The following INTS8 variants were observed in gnomAD, a reference collection of about 807,000 sequenced individuals.
INTS8 encodes integrator complex subunit 8.
A neutral mutation model predicts 138.9 loss-of-function variants in INTS8; 47 were observed. The ratio of observed to expected loss-of-function variants is 0.34; its 90% CI spans 0.27 to 0.43. INTS8 has a LOEUF of 0.43. INTS8 is among the 20% of genes least tolerant of loss of function. The pLI is 1.00. For synonymous variants in INTS8, 392 were observed against 400.9 expected (o/e 0.98, Z 0.27); for missense variants, 996 against 1,173.0 (o/e 0.85, Z 2.20).
Position 94,833,032 on chromosome 8 carries a change from C to CT in INTS8, c.753+868dup, listed in dbSNP as rs945608953. On this transcript the variant is annotated intron_variant, in intron 6 of 26. Transcript: ENST00000523731. The stretch of plus-strand genomic sequence containing the variant: ...AACTCTTTGACATCTCTCTCTCTCT[C>CT]TTTTTTTTTTAATATGTTCTGCGTC... Among the ~76,000 whole-genome samples the CT allele has an allele frequency of 2.9e-3, 431 of 149,022 alleles. 4 individuals are homozygous for CT. The highest frequency in any genetic ancestry group is 9.6e-3 in the African/African-American group (389 of 40,656).
intron 5 of INTS8, among the ~76,000 whole-genome samples, chr8:94,829,842 CTA>C (rs1316537588): frequency 2.0e-5 from 3 of 152,072 alleles, no homozygotes; most frequent in African/African-American, 4.8e-5. Context: ...TCTAAAAACT[CTA>C]TGACAAACAT....
chr8:94,859,416 T>C, intron 15 of INTS8, 95 bp from the exon 16 acceptor site: 3 of 1,290,070 alleles, frequency 2.3e-6, no homozygotes, highest in Non-Finnish European at 3.3e-6. Flanking sequence ...ACCCGTCCTG[T>C]TTTTTTATTC....
chr8:94,881,722 G>A lies in INTS8; in HGVS notation c.*1488G>A, dbSNP rs758907019. 6.2e-6 allele frequency: 10 copies of A among 1,613,470 alleles called. No homozygotes were observed. Among genetic ancestry groups the A allele is most frequent in the East Asian group, 2.2e-5 (1 of 44,850 alleles). ...GTGACAACTGTCCCCCTTTTCTGAA[G>A]GTGTTTATGTAATTTACTTCCTCCT... On this transcript the variant is annotated 3_prime_UTR_variant, in exon 27 of 27. Transcript: ENST00000523731.
At chr8:94,829,741 T>C (rs776014263) in intron 5 of INTS8, among the ~76,000 whole-genome samples, 4 of 152,214 alleles carry the variant, frequency 2.6e-5, no homozygotes, top group Non-Finnish European at 4.4e-5. Flanking sequence ...TCAGTTTTAA[T>C]AGTAGAGTAC....
chr8:94,881,526 T>A lies in INTS8; in HGVS notation c.*1292T>A. On this transcript the variant is annotated 3_prime_UTR_variant, in exon 27 of 27. Coordinates refer to ENST00000523731, the MANE Select transcript of INTS8 (RefSeq NM_017864.4). ...ATGGCAGTGTAACTTGTGAATTGGC[T>A]AGGGCAATCAATCACAGCACTACTT... 2.7e-6 allele frequency: 3 copies of A among 1,114,518 alleles called. No homozygotes were observed. In the South Asian group the frequency reaches 4.7e-5, roughly 17 times the overall value. 69.0% of individuals were successfully genotyped at this position (1,114,518 alleles called of 1,614,324 possible).
At chr8:94,870,672 A>G (rs1388293761) in intron 20 of INTS8, among the ~76,000 whole-genome samples, 2 of 152,232 alleles carry the variant, frequency 1.3e-5, no homozygotes, top group East Asian at 3.8e-4. Context: ...TAAATAAATA[A>G]TGGACTATTT....
chr8:94,881,562 T>G lies in INTS8; in HGVS notation c.*1328T>G, dbSNP rs1816813314. 2 of 1,501,146 alleles carry G rather than the reference T, an allele frequency of 1.3e-6. No individual in the cohort carries two copies. Among genetic ancestry groups the G allele is most frequent in the East Asian group, 2.3e-5 (1 of 43,912 alleles). 93.0% of individuals were successfully genotyped at this position (1,501,146 alleles called of 1,614,324 possible). A position where few individuals can be genotyped will look rare whatever the true frequency, so the allele number is the denominator to read the frequency against. ...ATCACAGCACTACTTTCTGTAAAAC[T>G]TTAGTAGTTCAGTGATACCAGTTCT... On this transcript the variant is annotated 3_prime_UTR_variant, in exon 27 of 27. Coordinates refer to ENST00000523731, the MANE Select transcript of INTS8 (RefSeq NM_017864.4).
At chr8:94,848,602 G>T (rs1554609625) in intron 10 of INTS8, among the ~76,000 whole-genome samples, 2 of 151,916 alleles carry the variant, frequency 1.3e-5, no homozygotes, top group Non-Finnish European at 2.9e-5. Context: ...TTTGTAACTG[G>T]CTTCTTAGCA....
chr8:94,879,024 G>C (rs758019272), intron 26 of INTS8, among the ~76,000 whole-genome samples: 2 of 152,120 alleles, frequency 1.3e-5, no homozygotes, highest in Non-Finnish European at 2.9e-5. Context: ...TCTCGGTTTT[G>C]ATTACTGTCC....
intron 16 of INTS8, among the ~76,000 whole-genome samples, chr8:94,865,063 GGAGA>G (rs577192929): frequency 3.4e-4 from 52 of 151,784 alleles, no homozygotes; most frequent in African/African-American, 9.4e-4. Context: ...TTTGCACGTG[GGAGA>G]GAGAGAGATC....
chr8:94,853,612 T>G (rs905508712), intron 13 of INTS8, among the ~76,000 whole-genome samples, 193 bp from the exon 14 acceptor site: 8 of 152,200 alleles, frequency 5.3e-5, no homozygotes, highest in Non-Finnish European at 1.2e-4. Flanking sequence ...AGTCCATTAT[T>G]TATTACTTGT....
At chr8:94,859,680 T>G in intron 16 of INTS8, 48 bp downstream of exon 16, 1 of 1,476,124 alleles carries the variant, frequency 6.8e-7, no homozygotes. Context: ...ATTATTATAC[T>G]TGTTTCTTTA....
intron 13 of INTS8, among the ~76,000 whole-genome samples, chr8:94,853,009 G>T (rs1355909134): frequency 6.6e-6 from 1 of 152,010 alleles, no homozygotes; most frequent in Non-Finnish European, 1.5e-5. Flanking sequence ...CTATTTATTA[G>T]TGTGAATTTT....
rs141741750 is a variant in INTS8, at chr8:94,842,399, C to T, written c.1171C>T (p.Arg391Cys). The change falls in exon 10 of 27, where the codon CGT becomes TGT. Residue 391 changes from arginine (R) to cysteine (C), a missense_variant. Arg to Cys is a radical substitution (Grantham distance 180). Coordinates refer to ENST00000523731, the MANE Select transcript of INTS8 (RefSeq NM_017864.4). ...TAAAGTTTGTGCCTGTAATACAGTC[C>T]GTGATATACTGGAAGGCAGAACAAT... ...CFKVCACNTV[R>C]DILEGRTISV... 10 of 1,602,450 alleles carry T rather than the reference C, an allele frequency of 6.2e-6. No homozygotes were observed. The highest frequency in any genetic ancestry group is 2.2e-5 in the East Asian group (1 of 44,730).
intron 1 of INTS8, among the ~76,000 whole-genome samples, chr8:94,823,909 A>G (rs973685305): frequency 1.3e-5 from 2 of 152,148 alleles, no homozygotes; most frequent in Admixed American, 1.3e-4. Flanking sequence ...GCCTCCTTCA[A>G]CCCCAAGCTG....
chr8:94,826,092 A>G (rs2130989349), intron 2 of INTS8, among the ~76,000 whole-genome samples: 1 of 152,320 alleles, frequency 6.6e-6, no homozygotes, highest in South Asian at 2.1e-4. Flanking sequence ...CCATAAAATA[A>G]GTTTATCTGT....
At position 94,866,475 on chromosome 8, in the gene INTS8, A is replaced by C. The variant is rs78935789; in HGVS notation, c.2295+284A>C. On this transcript the variant is annotated intron_variant, in intron 18 of 26. Transcript: ENST00000523731. ...GCCCAGCTAATTTTTTGTAGAGATG[A>C]GGTCTCCCCTTGTTGCCCAGGCTAG... is the stretch of plus-strand genomic sequence containing the variant. The C allele has an allele frequency of 3.7e-3, 1,254 of 336,912 alleles. 8 individuals are homozygous for C. The highest frequency in any genetic ancestry group is 0.026 in the African/African-American group (1,178 of 45,934). The allele number at this position is 336,912 out of a possible 1,614,324, so 20.9% of individuals were successfully genotyped here. A position where few individuals can be genotyped will look rare whatever the true frequency, so the allele number is the denominator to read the frequency against.
In INTS8 at chr8:94,880,885, C is replaced by A; in HGVS notation, c.*651C>A. ...GATATACAAAAAGGTTATTACCAAG[C>A]AACCTACATGTCAAGAAAGCCCCAG... On this transcript the variant is annotated 3_prime_UTR_variant, in exon 27 of 27. Coordinates refer to ENST00000523731, the MANE Select transcript of INTS8 (RefSeq NM_017864.4). The A allele has an allele frequency of 2.5e-6, 1 of 398,726 alleles. No individual in the cohort carries two copies. Among genetic ancestry groups the A allele is most frequent in the East Asian group, 3.6e-5 (1 of 28,000 alleles). 24.7% of individuals were successfully genotyped at this position (398,726 alleles called of 1,614,324 possible). A position where few individuals can be genotyped will look rare whatever the true frequency, so the allele number is the denominator to read the frequency against.
intron 20 of INTS8, among the ~76,000 whole-genome samples, chr8:94,868,122 T>C (rs572340729): frequency 6.6e-6 from 1 of 152,350 alleles, no homozygotes; most frequent in South Asian, 2.1e-4. Context: ...TTGCATGCAC[T>C]ACCTGAGAAT....
Sources: gnomAD v4.1 joint callset for allele counts (sites outside exome capture counted in the v4.1 genomes callset) on GRCh38, gnomAD v4.1.1 for gene constraint, MANE v1.5 for transcripts, NCBI Gene and HGNC (gene_info 2026-07-23, HGNC 2026-07-21) for gene names.